BMP1: variants seen among roughly 807,000 people sequenced by gnomAD.
The protein encoded by BMP1 is bone morphogenetic protein 1, also known as mammalian tolloid protein.
In BMP1, 63 loss-of-function variants were observed where a neutral mutation model predicts 116.8. The ratio of observed to expected loss-of-function variants is 0.54; its 90% CI spans 0.44 to 0.67. The LOEUF is 0.67. Ranked by LOEUF, BMP1 falls within the 30% of genes least tolerant of loss-of-function variation. BMP1 has a pLI of 0.00. For missense variants in BMP1, 1,183 were observed against 1,358.9 expected (o/e 0.87, Z 2.04); for synonymous variants, 536 against 533.4 (o/e 1.00, Z -0.07).
At chr8:22,203,096 C>T (rs938281889) in intron 16 of BMP1, among the ~76,000 whole-genome samples, 4 of 152,316 alleles carry the variant, frequency 2.6e-5, no homozygotes, top group Admixed American at 2.6e-4. Flanking sequence ...GGACTTGATA[C>T]CTCACAGGCC....
chr8:22,184,065 C>G (rs921998911), intron 8 of BMP1, among the ~76,000 whole-genome samples: 2 of 152,212 alleles, frequency 1.3e-5, no homozygotes, highest in African/African-American at 4.8e-5. Context: ...TGTTCTAAAG[C>G]CCTGCTGCAT....
intron 5 of BMP1, chr8:22,177,450 C>G (rs1563244999): frequency 1.5e-6 from 1 of 686,510 alleles, no homozygotes; most frequent in Admixed American, 1.9e-5. Context: ...ACTGCTCAGG[C>G]CTTTCTCCCC....
At chr8:22,186,977 A>G (rs1194898177) in intron 8 of BMP1, among the ~76,000 whole-genome samples, 10 of 151,920 alleles carry the variant, frequency 6.6e-5, no homozygotes, top group Admixed American at 1.3e-4. Context: ...TCTTTCCTAT[A>G]TTCCTAATCT....
At chr8:22,192,183 A>C (rs1418711951) in intron 9 of BMP1, 32 bp downstream of exon 9, 4 of 1,574,442 alleles carry the variant, frequency 2.5e-6, no homozygotes, top group Non-Finnish European at 3.5e-6. Flanking sequence ...TGCCCCCTCC[A>C]TGCTGATTCC....
chr8:22,211,850 C>A lies in BMP1; in HGVS notation c.*122C>A. 1.4e-6 allele frequency: 2 copies of A among 1,468,468 alleles called. No homozygotes were observed. Among genetic ancestry groups the A allele is most frequent in the East Asian group, 2.3e-5 (1 of 43,460 alleles). The allele number at this position is 1,468,468 out of a possible 1,614,324, so 91.0% of individuals were successfully genotyped here. A position where few individuals can be genotyped will look rare whatever the true frequency, so the allele number is the denominator to read the frequency against. ...CCCCAGGCCCCAGGACCTGCAGGGCCAATGGCCTGGTGAGACTGTCCATAG... is the reference window on the plus strand; with the variant it reads ...CCCCAGGCCCCAGGACCTGCAGGGCAAATGGCCTGGTGAGACTGTCCATAG... On this transcript the variant is annotated 3_prime_UTR_variant, in exon 20 of 20. Transcript: ENST00000306385.
chr8:22,176,061 C>T, intron 2 of BMP1, 82 bp from the exon 3 acceptor site: 11 of 1,437,716 alleles, frequency 7.7e-6, no homozygotes, highest in Admixed American at 2.0e-5. Context: ...AGCACAGAAT[C>T]CATGAAAAAT....
At position 22,195,131 on chromosome 8, in the gene BMP1, A is replaced by G. The variant is rs576916316; in HGVS notation, c.1639+212A>G. The stretch of plus-strand genomic sequence containing the variant: ...CTGCTGTATGATTCAGGGAGGAAAA[A>G]AGGCAGTTGGAGGTTTTTTTTACCT... On this transcript the variant is annotated intron_variant, in intron 12 of 19. Transcript: ENST00000306385. Among the ~76,000 whole-genome samples, 5 of 152,256 alleles carry G rather than the reference A, an allele frequency of 3.3e-5. No individual in the cohort carries two copies. The South Asian group carries it at 6.2e-4, about 19-fold the overall frequency.
rs956425298 is a variant in BMP1, at chr8:22,194,983, A to C, written c.1639+64A>C. On this transcript the variant is annotated intron_variant, in intron 12 of 19. Transcript: ENST00000306385. This position sits in a 1 kb window ranked among gnomAD's most constrained non-coding sequence, Gnocchi z 4.5. Reference sequence around the variant, plus strand: ...CGTGACCTTCATCCCTTCTTCACTCACTCATTCAACACGGAGACTCCAGGA... The same window carrying C: ...CGTGACCTTCATCCCTTCTTCACTCCCTCATTCAACACGGAGACTCCAGGA... 21 of 1,481,426 alleles carry C rather than the reference A, an allele frequency of 1.4e-5. No individual in the cohort carries two copies. In the African/African-American group the frequency reaches 2.8e-4, roughly 20 times the overall value. The allele number at this position is 1,481,426 out of a possible 1,614,324, so 91.8% of individuals were successfully genotyped here.
At position 22,179,139 on chromosome 8, in the gene BMP1, G is replaced by A. The variant is rs1039741165; in HGVS notation, c.837-566G>A. Reference sequence around the variant, plus strand: ...CACCCAGGATTCAGCAGGGAGGAATGGCCAGGACAGGAGACACTGATAGAT... The same window carrying A: ...CACCCAGGATTCAGCAGGGAGGAATAGCCAGGACAGGAGACACTGATAGAT... On this transcript the variant is annotated intron_variant, in intron 6 of 19. Transcript: ENST00000306385. This position sits in a 1 kb window ranked among gnomAD's most constrained non-coding sequence, Gnocchi z 4.6. Among the ~76,000 whole-genome samples the A allele has an allele frequency of 6.6e-6, 1 of 152,226 alleles. No individual in the cohort carries two copies. The highest frequency in any genetic ancestry group is 1.5e-5 in the Non-Finnish European group (1 of 68,036).
At chr8:22,175,721 C>T (rs1828410856) in intron 2 of BMP1, among the ~76,000 whole-genome samples, 2 of 152,178 alleles carry the variant, frequency 1.3e-5, no homozygotes, top group Admixed American at 1.3e-4. Flanking sequence ...CTCTGTGAGG[C>T]ATATCACAGC....
At chr8:22,181,605 T>G (rs1828623635) in intron 8 of BMP1, among the ~76,000 whole-genome samples, 1 of 150,792 alleles carries the variant, frequency 6.6e-6, no homozygotes, top group East Asian at 1.9e-4. Context: ...CAAGGTGGAG[T>G]GCAGTGGCGC....
chr8:22,181,608 A>G (rs938935259), intron 8 of BMP1, among the ~76,000 whole-genome samples: 1 of 149,118 alleles, frequency 6.7e-6, no homozygotes, highest in Admixed American at 6.7e-5. Flanking sequence ...GGTGGAGTGC[A>G]GTGGCGCGAT....
rs1176509292 is a variant in BMP1 at position 22,194,257 on chromosome 8, G to T, written c.1297+83G>T. On this transcript the variant is annotated intron_variant, in intron 10 of 19. Transcript: ENST00000306385. The surrounding 1 kb of genome is among the most constrained non-coding windows in gnomAD (Gnocchi z 4.5). ...AACAACTCCCTCCTGGCACCTGAGG[G>T]GCAAGATTGTGGGTTCCCAAGGGAA... 1.5e-4 allele frequency: 224 copies of T among 1,503,188 alleles called. 1 individual carries two copies. Among genetic ancestry groups the T allele is most frequent in the Non-Finnish European group, 1.5e-5 (16 of 1,082,326 alleles). The allele number at this position is 1,503,188 out of a possible 1,614,324, so 93.1% of individuals were successfully genotyped here.
At chr8:22,204,679 C>T (rs571362204) in intron 16 of BMP1, among the ~76,000 whole-genome samples, 32 of 152,214 alleles carry the variant, frequency 2.1e-4, no homozygotes, top group African/African-American at 5.3e-4. Context: ...GCCAGGATCG[C>T]GCCACTTCAC....
intron 15 of BMP1, chr8:22,199,201 C>T (rs778339217): frequency 7.3e-7 from 1 of 1,367,442 alleles, no homozygotes; most frequent in Non-Finnish European, 9.8e-7. Context: ...CTGCAGAGGA[C>T]CCCCACTGGG....
Position 22,179,688 on chromosome 8 carries a change from T to C in BMP1, c.837-17T>C, listed in dbSNP as rs1305002920. ...GTCCATGAGACGCTCACCCTTACTT[T>C]TCTCCCTCTTCTTCAGGGGCATCTT... On this transcript the variant is annotated splice_polypyrimidine_tract_variant and intron_variant, in intron 6 of 19. Transcript: ENST00000306385. The surrounding 1 kb of genome is among the most constrained non-coding windows in gnomAD (Gnocchi z 4.6). 3.7e-6 allele frequency: 6 copies of C among 1,613,440 alleles called. No individual in the cohort carries two copies. In the East Asian group the frequency reaches 1.3e-4, roughly 36 times the overall value.
At chr8:22,177,727 C>T in intron 5 of BMP1, 125 bp from the exon 6 acceptor site, 1 of 804,898 alleles carries the variant, frequency 1.2e-6, no homozygotes, top group Non-Finnish European at 2.2e-6. Flanking sequence ...CTCCCCGGAC[C>T]CTCAGGTAGG....
intron 9 of BMP1, chr8:22,192,390 T>G: frequency 2.3e-6 from 1 of 427,300 alleles, no homozygotes; most frequent in Non-Finnish European, 4.3e-6. Context: ...CTTCTGGGCC[T>G]CCCTGTGAAG....
Position 22,192,077 on chromosome 8 carries a change from T to C in BMP1, c.1106T>C (p.Leu369Pro). ...KIILNFTSLD[L>P]YRSRLCWYDY... ...ATCCTGAACTTCACGTCCCTGGACC[T>C]GTACCGCAGCCGCCTGTGCTGGTAC... The change falls in exon 9 of 20, where the codon CTG becomes CCG. Residue 369 changes from leucine to proline, a missense_variant. Physicochemically the swap from Leu to Pro is moderately conservative, Grantham distance 98 (BLOSUM62 -3). This residue lies in a region of BMP1 where 956 missense variants were observed against 1,135.2 expected (regional missense o/e 0.84). Coordinates refer to ENST00000306385, the MANE Select transcript of BMP1 (RefSeq NM_006129.5). The C allele has an allele frequency of 6.2e-7, 1 of 1,613,954 alleles. No individual in the cohort carries two copies. The highest frequency in any genetic ancestry group is 8.5e-7 in the Non-Finnish European group (1 of 1,179,866).
Sources: allele counts gnomAD v4.1 joint callset (sites outside exome capture counted in the v4.1 genomes callset), GRCh38; gene constraint gnomAD v4.1.1; regional missense constraint gnomAD v4.1.1; non-coding constraint Gnocchi (gnomAD v3.1); transcripts MANE v1.5; gene names NCBI Gene and HGNC (gene_info 2026-07-23, HGNC 2026-07-21).